IMMP2L: variants seen among roughly 807,000 people sequenced by gnomAD.
The protein encoded by IMMP2L is mitochondrial inner membrane protease subunit 2.
Under a neutral mutation model 19.3 loss-of-function variants are expected in IMMP2L, and 18 were observed. The observed-to-expected ratio is 0.93, with a 90% CI of 0.64 to 1.38. The LOEUF (loss-of-function observed/expected upper bound fraction) is 1.38, where lower values mean the gene tolerates loss of function less well. IMMP2L is among the 40% of genes most tolerant of loss of function. The pLI is 0.00. For synonymous variants in IMMP2L, 76 were observed against 73.0 expected (o/e 1.04, Z -0.21); for missense variants, 233 against 218.2 (o/e 1.07, Z -0.43).
chr7:111,165,987 A>G (rs1210780116), intron 3 of IMMP2L, among the ~76,000 whole-genome samples: 1 of 152,118 alleles, frequency 6.6e-6, no homozygotes, highest in Non-Finnish European at 1.5e-5. Flanking sequence ...CCTCAAAGAG[A>G]GCTCAATAAC....
At chr7:111,093,657 G>A (rs1438749305) in intron 3 of IMMP2L, among the ~76,000 whole-genome samples, 1 of 152,136 alleles carries the variant, frequency 6.6e-6, no homozygotes, top group African/African-American at 2.4e-5. Flanking sequence ...ACAGAGATCA[G>A]TAATGTGCCC....
chr7:111,217,149 C>T (rs1312743930), intron 3 of IMMP2L, among the ~76,000 whole-genome samples: 1 of 151,700 alleles, frequency 6.6e-6, no homozygotes, highest in East Asian at 1.9e-4. Flanking sequence ...CACACACACA[C>T]ACACACACAC....
intron 5 of IMMP2L, among the ~76,000 whole-genome samples, chr7:110,799,427 A>T (rs2131200278): frequency 6.6e-6 from 1 of 152,156 alleles, no homozygotes; most frequent in South Asian, 2.1e-4. Context: ...TAATTGACTG[A>T]GTATATTATA....
intron 5 of IMMP2L, among the ~76,000 whole-genome samples, chr7:110,843,811 C>T (rs917838593): frequency 6.6e-6 from 1 of 152,096 alleles, no homozygotes; most frequent in African/African-American, 2.4e-5. Flanking sequence ...CTTCTCTTGG[C>T]TAACCAGTGC....
At chr7:111,519,815 A>G (rs1846180679) in intron 2 of IMMP2L, among the ~76,000 whole-genome samples, 1 of 152,126 alleles carries the variant, frequency 6.6e-6, no homozygotes, top group Non-Finnish European at 1.5e-5. Flanking sequence ...GTGTTCTGGA[A>G]AAGTCCTTCT....
At chr7:110,902,479 AATAT>A (rs67367468) in intron 4 of IMMP2L, among the ~76,000 whole-genome samples, 6,541 of 140,448 alleles carry the variant, frequency 0.047, 198 homozygotes, top group African/African-American at 0.066. Flanking sequence ...TGAATGATAA[AATAT>A]ATATATATAT....
At chr7:111,255,134 A>G (rs1816567657) in intron 3 of IMMP2L, among the ~76,000 whole-genome samples, 1 of 152,094 alleles carries the variant, frequency 6.6e-6, no homozygotes, top group African/African-American at 2.4e-5. Context: ...CCCCACCGAT[A>G]CATATTTTAA....
At chr7:111,507,123 G>A (rs1028594097) in intron 2 of IMMP2L, among the ~76,000 whole-genome samples, 1 of 152,188 alleles carries the variant, frequency 6.6e-6, no homozygotes, top group Non-Finnish European at 1.5e-5. Context: ...TTATAGGCGT[G>A]AGCCACTACA....
intron 5 of IMMP2L, among the ~76,000 whole-genome samples, chr7:110,705,395 CA>C (rs2130672945): frequency 6.6e-6 from 1 of 152,178 alleles, no homozygotes; most frequent in South Asian, 2.1e-4. Context: ...TACTATGAAA[CA>C]TATCTGCTTG....
chr7:110,673,730 G>A (rs929125082), intron 5 of IMMP2L, among the ~76,000 whole-genome samples: 5 of 152,124 alleles, frequency 3.3e-5, no homozygotes, highest in African/African-American at 1.2e-4. Context: ...TTCCCAACAA[G>A]TTCCTCATCT....
chr7:111,351,502 T>C (rs993026357), intron 3 of IMMP2L, among the ~76,000 whole-genome samples: 1 of 152,166 alleles, frequency 6.6e-6, no homozygotes, highest in Non-Finnish European at 1.5e-5. Flanking sequence ...CTTTTTTACT[T>C]ACACTGCACT....
intron 3 of IMMP2L, among the ~76,000 whole-genome samples, chr7:111,291,334 G>T (rs994082221): frequency 6.6e-6 from 1 of 152,156 alleles, no homozygotes; most frequent in African/African-American, 2.4e-5. Flanking sequence ...GCCCTCCTGG[G>T]CGATGGCCCA....
chr7:111,223,958 G>A (rs1334342067), intron 3 of IMMP2L, among the ~76,000 whole-genome samples: 1 of 152,024 alleles, frequency 6.6e-6, no homozygotes, highest in African/African-American at 2.4e-5. Context: ...ATAGACTAGG[G>A]AAAAAATATG....
intron 3 of IMMP2L, among the ~76,000 whole-genome samples, chr7:111,469,187 G>A (rs953975016): frequency 1.2e-4 from 18 of 152,206 alleles, no homozygotes; most frequent in South Asian, 4.2e-4. Flanking sequence ...GTCAGGTAGC[G>A]TGATGCCTCC....
intron 3 of IMMP2L, among the ~76,000 whole-genome samples, chr7:111,424,332 G>A (rs1835871100): frequency 6.6e-6 from 1 of 151,682 alleles, no homozygotes; most frequent in Non-Finnish European, 1.5e-5. Flanking sequence ...AGAGAAGGAA[G>A]ATAGATGGGT....
intron 5 of IMMP2L, among the ~76,000 whole-genome samples, chr7:110,778,423 T>G (rs1799535145): frequency 6.6e-6 from 1 of 151,992 alleles, no homozygotes; most frequent in South Asian, 2.1e-4. Context: ...TGATAATCTC[T>G]TATGATGCAC....
chr7:110,944,952 A>G (rs1305515072), intron 4 of IMMP2L, among the ~76,000 whole-genome samples: 2 of 151,992 alleles, frequency 1.3e-5, no homozygotes, highest in Non-Finnish European at 2.9e-5. Flanking sequence ...CCTTATACAC[A>G]TTCCTTTGCA....
intron 3 of IMMP2L, among the ~76,000 whole-genome samples, chr7:111,060,121 GC>G (rs1476097228): frequency 1.3e-5 from 2 of 151,938 alleles, no homozygotes; most frequent in Non-Finnish European, 2.9e-5. Flanking sequence ...ACCCAAAGAA[GC>G]CAAAAAAGCA....
intron 3 of IMMP2L, among the ~76,000 whole-genome samples, chr7:111,300,882 A>G (rs1204653031): frequency 6.6e-6 from 1 of 152,130 alleles, no homozygotes; most frequent in African/African-American, 2.4e-5. Flanking sequence ...GGGCCCACCA[A>G]TAAAGTTGCT....
Sources: gnomAD v4.1 joint callset for allele counts (sites outside exome capture counted in the v4.1 genomes callset) on GRCh38, gnomAD v4.1.1 for gene constraint, MANE v1.5 for transcripts, NCBI Gene and HGNC (gene_info 2026-07-23, HGNC 2026-07-21) for gene names.